AARS1: variants seen among roughly 807,000 people sequenced by gnomAD.
AARS1 encodes alanyl-tRNA synthetase 1.
Under a neutral mutation model 108.9 loss-of-function variants are expected in AARS1, and 72 were observed. The observed-to-expected ratio is 0.66, with a 90% CI of 0.55 to 0.80. AARS1 has a LOEUF of 0.80. AARS1 is among the 30% of genes least tolerant of loss of function. The pLI is 0.00. For synonymous variants in AARS1, 489 were observed against 465.7 expected, an observed-to-expected ratio of 1.05 and a Z score of -0.64; for missense variants, 1,193 against 1,233.2, an observed-to-expected ratio of 0.97 and a Z score of 0.49.
chr16:70,266,448 A>T (rs1196237424), intron 9 of AARS1, among the ~76,000 whole-genome samples: 1 of 151,852 alleles, frequency 6.6e-6, no homozygotes, highest in Non-Finnish European at 1.5e-5. Flanking sequence ...GTGAGCTGAG[A>T]TCACACCACT....
chr16:70,272,030 C>T, intron 4 of AARS1, 58 bp from the exon 5 acceptor site: 1 of 1,529,438 alleles, frequency 6.5e-7, no homozygotes, highest in East Asian at 2.2e-5. Flanking sequence ...TCTGCCCAGA[C>T]TTGCAACCAC....
chr16:70,268,071 G>C (rs1159963801), intron 8 of AARS1, among the ~76,000 whole-genome samples, 200 bp downstream of exon 8: 1 of 152,052 alleles, frequency 6.6e-6, no homozygotes, highest in Admixed American at 6.5e-5. Context: ...GGAAGGCTGA[G>C]ACAGGAGAAT....
chr16:70,259,052 G>T lies in AARS1; in HGVS notation c.1920C>A (p.Ala640=). The T allele has an allele frequency of 1.2e-6, 2 of 1,614,106 alleles. No individual in the cohort carries two copies. Among genetic ancestry groups the T allele is most frequent in the Non-Finnish European group, 1.7e-6 (2 of 1,180,026 alleles). ...TCTGTTGGGTGGACATGGCTCCCTTGGCAGTAAAGTCAAATCTGAGGCGGT... is the reference window on the plus strand; with the variant it reads ...TCTGTTGGGTGGACATGGCTCCCTTTGCAGTAAAGTCAAATCTGAGGCGGT... The part of the protein sequence containing the change: ...APDRLRFDFT[A]KGAMSTQQIK... The change falls in exon 14 of 21, where the codon GCC becomes GCA. Residue 640 remains alanine, a synonymous_variant. Transcript: ENST00000261772.
chr16:70,275,310 G>A (rs1008256041), intron 4 of AARS1, among the ~76,000 whole-genome samples: 5 of 151,408 alleles, frequency 3.3e-5, no homozygotes, highest in African/African-American at 1.2e-4. Flanking sequence ...ATATTAAGAA[G>A]CAACGAATGG....
intron 11 of AARS1, among the ~76,000 whole-genome samples, chr16:70,263,481 G>A (rs1055269364): frequency 6.6e-6 from 1 of 151,226 alleles, no homozygotes; most frequent in Non-Finnish European, 1.5e-5. Context: ...TGAGGCAGGA[G>A]AATCACTTCA....
At position 70,271,904 on chromosome 16, in the gene AARS1, G is replaced by A. The variant is rs774263802; in HGVS notation, c.548C>T (p.Pro183Leu). 1 of 1,614,112 alleles carries A rather than the reference G, an allele frequency of 6.2e-7. No individual in the cohort carries two copies. Among genetic ancestry groups the A allele is most frequent in the Non-Finnish European group, 8.5e-7 (1 of 1,180,020 alleles). The change falls in exon 5 of 21, where the codon CCC (proline) becomes CTC (leucine). Residue 183 changes from proline to leucine, a missense_variant. Physicochemically the swap from Pro to Leu is moderately conservative, Grantham distance 98 (BLOSUM62 -3). Transcript: ENST00000261772. ...GTGGATCTCACTGCAAGGACCACAG[G>A]GGCCCGTGTCACCCATCTCCCAGAA... ...DNFWEMGDTG[P>L]CGPCSEIHYD...
intron 6 of AARS1, 134 bp downstream of exon 6, chr16:70,270,062 C>T: frequency 8.7e-7 from 1 of 1,153,874 alleles, no homozygotes; most frequent in Non-Finnish European, 1.3e-6. Flanking sequence ...ACATTATTAA[C>T]AATGAAGTAG....
chr16:70,266,724 G>T (rs1960272994), intron 9 of AARS1, among the ~76,000 whole-genome samples: 1 of 152,014 alleles, frequency 6.6e-6, no homozygotes, highest in Non-Finnish European at 1.5e-5. Context: ...GTTTTACCAT[G>T]TTGGCCAGGC....
chr16:70,282,504 A>G, intron 2 of AARS1, 116 bp downstream of exon 2: 1 of 1,302,978 alleles, frequency 7.7e-7, no homozygotes, highest in Admixed American at 1.8e-5. Context: ...AAGTTTCACA[A>G]GATCACACAG....
chr16:70,288,342 C>T (rs1960916611), intron 1 of AARS1, among the ~76,000 whole-genome samples: 1 of 151,424 alleles, frequency 6.6e-6, no homozygotes. Context: ...ATCTCCTGAC[C>T]TCGTGATCTG....
chr16:70,257,926 GACTTC>G (rs952674709), intron 15 of AARS1, 102 bp downstream of exon 15: 11 of 1,256,796 alleles, frequency 8.8e-6, no homozygotes, highest in African/African-American at 1.5e-5. Context: ...CATTTCTGAG[GACTTC>G]ACTTCAACCT....
rs1960568594 is a variant in AARS1, at chr16:70,277,032, G to A, written c.267C>T (p.Gly89=). ...GGKHNDLDDV[G]KDVYHHTFFE... ...AGAAGGTGTGATGATAGACATCCTT[G>A]CCCACATCGTCCAGGTCATTATGTT... is the stretch of plus-strand genomic sequence containing the variant. Residue 89 remains glycine, a synonymous_variant, in exon 3 of 21, where the codon GGC becomes GGT. Transcript: ENST00000261772. 6.2e-7 allele frequency: 1 copy of A among 1,614,048 alleles called. No homozygotes were observed. Among genetic ancestry groups the A allele is most frequent in the Admixed American group, 1.7e-5 (1 of 59,978 alleles).
At chr16:70,280,536 G>A (rs1346227519) in intron 2 of AARS1, among the ~76,000 whole-genome samples, 4 of 152,106 alleles carry the variant, frequency 2.6e-5, no homozygotes, top group Non-Finnish European at 5.9e-5. Context: ...AACTTTCCAT[G>A]CCAGAAAAGA....
intron 11 of AARS1, 96 bp downstream of exon 11, chr16:70,264,862 C>T: frequency 6.7e-7 from 1 of 1,489,462 alleles, no homozygotes; most frequent in Non-Finnish European, 9.3e-7. Context: ...AGGCTGTCAG[C>T]AGTCTGCTGG....
intron 2 of AARS1, among the ~76,000 whole-genome samples, chr16:70,280,922 G>A (rs1031262917): frequency 2.0e-5 from 3 of 152,160 alleles, no homozygotes; most frequent in Non-Finnish European, 4.4e-5. Flanking sequence ...TGACCTCCCA[G>A]GCTCAAGCAA....
chr16:70,254,342 G>A (rs1187174884), intron 17 of AARS1: 1 of 582,452 alleles, frequency 1.7e-6, no homozygotes, highest in African/African-American at 1.9e-5. Flanking sequence ...TTGGAAGCAG[G>A]GGCCAGCCTT....
Position 70,253,968 on chromosome 16 carries a change from T to TTC in AARS1, c.2469_2470dup (p.Lys824ArgfsTer20). 6.2e-7 allele frequency: 1 copy of TTC among 1,614,178 alleles called. No individual in the cohort carries two copies. The highest frequency in any genetic ancestry group is 8.5e-7 in the Non-Finnish European group (1 of 1,180,028). ...GGCTCGGTCCAAGTCATCCATGACC[T>TTC]TCTTTAGGGATTTGAGAGTCTCCCG... is the stretch of plus-strand genomic sequence containing the variant. On this transcript the variant is annotated frameshift_variant, in exon 18 of 21. Transcript: ENST00000261772. LOFTEE classifies it high-confidence loss of function.
chr16:70,279,609 G>A (rs764030045), intron 2 of AARS1, among the ~76,000 whole-genome samples: 7 of 145,040 alleles, frequency 4.8e-5, no homozygotes, highest in East Asian at 4.1e-4. Context: ...GCAGTGAGCC[G>A]AGATTTCACC....
rs1218489169 is a variant in AARS1, at chr16:70,262,858, C to T, written c.1493-334G>A. The stretch of plus-strand genomic sequence containing the variant: ...TGGCGGGCACCTGTAGTCCCAGCTA[C>T]TCAGGAGGCTGAGGCAGAAGAATGG... On this transcript the variant is annotated intron_variant, in intron 11 of 20. Coordinates refer to ENST00000261772, the MANE Select transcript of AARS1 (RefSeq NM_001605.3). Among the ~76,000 whole-genome samples, 3 of 147,956 alleles carry T rather than the reference C, an allele frequency of 2.0e-5. No homozygotes were observed. The East Asian group carries it at 6.2e-4, about 31-fold the overall frequency.
Sources: allele counts gnomAD v4.1 joint callset (sites outside exome capture counted in the v4.1 genomes callset), GRCh38; gene constraint gnomAD v4.1.1; transcripts MANE v1.5; gene names NCBI Gene and HGNC (gene_info 2026-07-23, HGNC 2026-07-21).